The following SPSB1 variants were observed in gnomAD, a reference collection of about 807,000 sequenced individuals.
SPSB1 encodes the protein splA/ryanodine receptor domain and SOCS box containing 1, also known as SPRY domain-containing SOCS box protein 1.
In SPSB1, 8 loss-of-function variants were observed where a neutral mutation model predicts 21.2. The ratio of observed to expected loss-of-function variants is 0.38; its 90% confidence interval spans 0.22 to 0.68. SPSB1 has a LOEUF of 0.68. Among genes scored for constraint, SPSB1 ranks in the 30% least tolerant of loss-of-function variants. SPSB1 has a pLI of 0.53. For synonymous variants in SPSB1, 169 were observed against 161.7 expected (o/e 1.05, Z -0.34); for missense variants, 242 against 377.8 (o/e 0.64, Z 2.98).
chr1:9,304,440 G>A (rs1248051203), intron 1 of SPSB1, among the ~76,000 whole-genome samples: 1 of 152,150 alleles, frequency 6.6e-6, no homozygotes, highest in Non-Finnish European at 1.5e-5. Context: ...GAGAATCCTG[G>A]CTAATGCAGT....
chr1:9,344,538 A>C (rs1328031734), intron 1 of SPSB1, among the ~76,000 whole-genome samples: 1 of 152,162 alleles, frequency 6.6e-6, no homozygotes, highest in African/African-American at 2.4e-5. Flanking sequence ...ATTCCAAGCT[A>C]TCAGGTGTCC....
intron 1 of SPSB1, among the ~76,000 whole-genome samples, chr1:9,314,316 G>A (rs926250): frequency 0.72 from 109,044 of 151,830 alleles, 40,146 homozygotes; most frequent in African/African-American, 0.85. Context: ...CCTCCCTCCC[G>A]CTCCTAAATA....
intron 1 of SPSB1, among the ~76,000 whole-genome samples, chr1:9,349,276 G>A (rs1450227870): frequency 6.6e-5 from 10 of 152,116 alleles, no homozygotes; most frequent in African/African-American, 1.2e-4. Context: ...CTGCTTCCCC[G>A]AGCCCAGCCC....
At chr1:9,311,216 C>T (rs930749170) in intron 1 of SPSB1, among the ~76,000 whole-genome samples, 4 of 151,134 alleles carry the variant, frequency 2.6e-5, no homozygotes, top group African/African-American at 4.9e-5. Flanking sequence ...CCTGAATGCC[C>T]GCTCTGTCCT....
intron 1 of SPSB1, chr1:9,339,129 C>G: frequency 4.9e-6 from 4 of 817,482 alleles, no homozygotes; most frequent in Non-Finnish European, 4.4e-6. Context: ...CCTGGGGACC[C>G]TACTGCGGGG....
At chr1:9,318,124 T>A (rs1186456698) in intron 1 of SPSB1, among the ~76,000 whole-genome samples, 1 of 152,220 alleles carries the variant, frequency 6.6e-6, no homozygotes, top group Non-Finnish European at 1.5e-5. Context: ...TGACGTTCCC[T>A]GTGGCCCAGT....
At chr1:9,326,318 T>G (rs1281648072) in intron 1 of SPSB1, among the ~76,000 whole-genome samples, 1 of 152,100 alleles carries the variant, frequency 6.6e-6, no homozygotes, top group African/African-American at 2.4e-5. Context: ...CCCTGCGCAC[T>G]GGAGGTGGAG....
Position 9,340,201 on chromosome 1 carries a change from C to T in SPSB1, c.-149-15542C>T, listed in dbSNP as rs139331489. Among the ~76,000 whole-genome samples the T allele has an allele frequency of 1.4e-3, 212 of 152,268 alleles. 3 individuals carry two copies. Among genetic ancestry groups the T allele is most frequent in the South Asian group, 2.9e-3 (14 of 4,816 alleles). On this transcript the variant is annotated intron_variant, in intron 1 of 2. Coordinates refer to ENST00000328089, the MANE Select transcript of SPSB1 (RefSeq NM_025106.4). ...TTCTCAAGAGAGGAGACAGACTCTC[C>T]TTGGGCAGGCTTTCTCTCCTGTCTG...
intron 1 of SPSB1, among the ~76,000 whole-genome samples, chr1:9,302,559 C>T (rs1639352080): frequency 6.6e-6 from 1 of 152,194 alleles, no homozygotes; most frequent in Non-Finnish European, 1.5e-5. Context: ...TTCTCCTGCG[C>T]TTGGATGTCA....
rs915272034 is a variant in SPSB1, at chr1:9,305,243, C to A, written c.-150+12172C>A. 2.0e-5 allele frequency among the ~76,000 whole-genome samples: 3 copies of A among 152,214 alleles called. No homozygotes were observed. The highest frequency in any genetic ancestry group is 2.9e-5 in the Non-Finnish European group (2 of 68,030). Reference sequence around the variant, plus strand: ...CCCGTTCCTACCGGCTGGCCCATACCCTCTCGCTTCACTTTCCAAAACCGG... The same window carrying A: ...CCCGTTCCTACCGGCTGGCCCATACACTCTCGCTTCACTTTCCAAAACCGG... On this transcript the variant is annotated intron_variant, in intron 1 of 2. Coordinates refer to ENST00000328089, the MANE Select transcript of SPSB1 (RefSeq NM_025106.4). The surrounding 1 kb of genome is among the most constrained non-coding windows in gnomAD (Gnocchi z 4.8).
At chr1:9,352,004 T>C (rs944210300) in intron 1 of SPSB1, among the ~76,000 whole-genome samples, 1 of 152,114 alleles carries the variant, frequency 6.6e-6, no homozygotes, top group African/African-American at 2.4e-5. Flanking sequence ...TTCCCCAGCC[T>C]CCCTCCTCCC....
In SPSB1 at chr1:9,324,876, C is replaced by G. The variant is rs985775190; in HGVS notation, c.-149-30867C>G. Among the ~76,000 whole-genome samples the G allele has an allele frequency of 6.6e-6, 1 of 152,234 alleles. No individual in the cohort carries two copies. The highest frequency in any genetic ancestry group is 1.5e-5 in the Non-Finnish European group (1 of 68,036). ...GGCCGTGGAGCCAGCACGGTCTTGTCGGATCCAGACCAGACAAATGCTTTC... is the reference window on the plus strand; with the variant it reads ...GGCCGTGGAGCCAGCACGGTCTTGTGGGATCCAGACCAGACAAATGCTTTC... On this transcript the variant is annotated intron_variant, in intron 1 of 2. Transcript: ENST00000328089. This position sits in a 1 kb window ranked among gnomAD's most constrained non-coding sequence, Gnocchi z 4.3.
At chr1:9,343,649 T>C (rs761797171) in intron 1 of SPSB1, among the ~76,000 whole-genome samples, 46 of 152,228 alleles carry the variant, frequency 3.0e-4, no homozygotes, top group Non-Finnish European at 5.6e-4. Context: ...CCTTTCTACC[T>C]CTTTCCTGAG....
intron 1 of SPSB1, among the ~76,000 whole-genome samples, chr1:9,307,650 T>C (rs9435207): frequency 0.51 from 78,290 of 152,100 alleles, 22,035 homozygotes; most frequent in Non-Finnish European, 0.64. Flanking sequence ...TCTAAGAGGT[T>C]GGCTGGGAAA....
At chr1:9,311,265 A>T (rs904263998) in intron 1 of SPSB1, among the ~76,000 whole-genome samples, 27 of 151,498 alleles carry the variant, frequency 1.8e-4, no homozygotes, top group South Asian at 6.3e-4. Context: ...CTATGCCCAG[A>T]CAGGGCCGAC....
chr1:9,315,646 C>T (rs1639601234), intron 1 of SPSB1, among the ~76,000 whole-genome samples: 1 of 152,076 alleles, frequency 6.6e-6, no homozygotes. Flanking sequence ...TGCCCTCCAC[C>T]TGTGGGATGC....
Position 9,340,339 on chromosome 1 carries a change from C to T in SPSB1, c.-149-15404C>T, listed in dbSNP as rs974045303. 2.6e-5 allele frequency among the ~76,000 whole-genome samples: 4 copies of T among 152,218 alleles called. 1 individual carries two copies. The highest frequency in any genetic ancestry group is 4.8e-5 in the African/African-American group (2 of 41,456). ...GACTGGCCGGAGCCCCGCGGTCTGA[C>T]TTTCACACGGATTCCTGCCACCAGC... On this transcript the variant is annotated intron_variant, in intron 1 of 2. Coordinates refer to ENST00000328089, the MANE Select transcript of SPSB1 (RefSeq NM_025106.4).
intron 1 of SPSB1, among the ~76,000 whole-genome samples, chr1:9,336,732 C>T (rs879629273): frequency 6.6e-6 from 1 of 152,182 alleles, no homozygotes; most frequent in Non-Finnish European, 1.5e-5. Flanking sequence ...AATAAAAGGG[C>T]ATAGTTGCTG....
Position 9,324,981 on chromosome 1 carries a change from A to T in SPSB1, c.-149-30762A>T, listed in dbSNP as rs9308445. Among the ~76,000 whole-genome samples the T allele has an allele frequency of 0.74, 112,003 of 152,132 alleles. 43,456 individuals are homozygous for T. The highest frequency in any genetic ancestry group is 0.87 in the Non-Finnish European group (58,866 of 67,990). ...GATCGGAGGCGCCTGTGAGCGGGTC[A>T]GTACTGGGTAGGCAGCCCCATTGGG... On this transcript the variant is annotated intron_variant, in intron 1 of 2. Transcript: ENST00000328089. The surrounding 1 kb of genome is among the most constrained non-coding windows in gnomAD (Gnocchi z 4.3).
Sources: gnomAD v4.1 joint callset for allele counts (sites outside exome capture counted in the v4.1 genomes callset) on GRCh38, gnomAD v4.1.1 for gene constraint, Gnocchi (gnomAD v3.1) non-coding constraint, MANE v1.5 for transcripts, NCBI Gene and HGNC (gene_info 2026-07-23, HGNC 2026-07-21) for gene names.